LRP1B: variants seen among roughly 807,000 people sequenced by gnomAD.
The protein encoded by LRP1B is LDL receptor related protein 1B, also known as low-density lipoprotein receptor-related protein 1B.
A neutral mutation model predicts 556.6 loss-of-function variants in LRP1B; 217 were observed. The observed-to-expected ratio is 0.39, with a 90% CI of 0.35 to 0.44. The LOEUF (loss-of-function observed/expected upper bound fraction) is 0.44, where lower values mean the gene tolerates loss of function less well. Among genes scored for constraint, LRP1B ranks in the 20% least tolerant of loss-of-function variants. The pLI is 1.00. For missense variants in LRP1B, 5,053 were observed against 5,620.8 expected, an observed-to-expected ratio of 0.90 and a Z score of 3.23; for synonymous variants, 2,047 against 1,865.8, an observed-to-expected ratio of 1.10 and a Z score of -2.50.
chr2:141,227,969 C>G (rs1278831427), intron 6 of LRP1B, among the ~76,000 whole-genome samples: 1 of 152,114 alleles, frequency 6.6e-6, no homozygotes, highest in Non-Finnish European at 1.5e-5. Context: ...TCTTGTCACC[C>G]AGGTTGGAGT....
At chr2:140,448,796 A>T (rs1345156420) in intron 63 of LRP1B, among the ~76,000 whole-genome samples, 1 of 152,114 alleles carries the variant, frequency 6.6e-6, no homozygotes, top group African/African-American at 2.4e-5. Flanking sequence ...GATGTAATGC[A>T]TATGTTAAAT....
intron 32 of LRP1B, among the ~76,000 whole-genome samples, chr2:140,786,762 T>C (rs7566255): frequency 0.88 from 134,228 of 152,134 alleles, 59,457 homozygotes; most frequent in East Asian, 1. Context: ...GAGAGACTTG[T>C]GTCATGGAGA....
intron 1 of LRP1B, among the ~76,000 whole-genome samples, chr2:142,011,157 T>C (rs1559020377): frequency 6.6e-6 from 1 of 152,184 alleles, no homozygotes; most frequent in South Asian, 2.1e-4. Flanking sequence ...AAGAAATCTT[T>C]GGGGAAAGAC....
intron 59 of LRP1B, among the ~76,000 whole-genome samples, chr2:140,476,124 A>G (rs1318852799): frequency 6.6e-6 from 1 of 152,090 alleles, no homozygotes; most frequent in Non-Finnish European, 1.5e-5. Flanking sequence ...CAAATAACGT[A>G]TAAGCGGCAG....
intron 71 of LRP1B, among the ~76,000 whole-genome samples, chr2:140,366,396 C>A (rs1682762515): frequency 6.6e-6 from 1 of 151,562 alleles, no homozygotes; most frequent in Admixed American, 6.6e-5. Context: ...AGGCTTAAGA[C>A]ATAATTCATT....
intron 2 of LRP1B, among the ~76,000 whole-genome samples, chr2:141,483,024 A>G (rs1682980807): frequency 6.6e-6 from 1 of 152,032 alleles, no homozygotes; most frequent in Non-Finnish European, 1.5e-5. Flanking sequence ...CAGGCCCGTT[A>G]CATATGTATA....
At chr2:141,166,796 G>GAT (rs1442446221) in intron 7 of LRP1B, among the ~76,000 whole-genome samples, 2 of 151,966 alleles carry the variant, frequency 1.3e-5, no homozygotes, top group Non-Finnish European at 2.9e-5. Flanking sequence ...CAGAGTAAAG[G>GAT]ATAAATAGCA....
intron 2 of LRP1B, among the ~76,000 whole-genome samples, chr2:141,646,389 T>C (rs1049375949): frequency 4.6e-5 from 7 of 152,120 alleles, no homozygotes; most frequent in African/African-American, 7.2e-5. Flanking sequence ...CCATGGGTAA[T>C]GTTTCATCTC....
chr2:140,549,864 T>G lies in LRP1B; in HGVS notation c.7195-7893A>C, dbSNP rs148354374. Among the ~76,000 whole-genome samples the G allele has an allele frequency of 2.3e-3, 345 of 152,146 alleles. 1 individual carries two copies. The highest frequency in any genetic ancestry group is 8.0e-3 in the African/African-American group (334 of 41,508). ...TGTAGTGTTGTGAGTTGTTGTTGTT[T>G]TTTTTTTCAATACTTTAAGTTCCGG... On this transcript the variant is annotated intron_variant, in intron 43 of 90. Transcript: ENST00000389484.
intron 63 of LRP1B, among the ~76,000 whole-genome samples, chr2:140,450,140 A>G (rs749248271): frequency 6.6e-6 from 1 of 152,212 alleles, no homozygotes; most frequent in Non-Finnish European, 1.5e-5. Flanking sequence ...CAGGATTTCA[A>G]TGCTGACAGT....
chr2:141,358,407 T>C (rs1688701492), intron 3 of LRP1B, among the ~76,000 whole-genome samples: 1 of 148,702 alleles, frequency 6.7e-6, no homozygotes, highest in Non-Finnish European at 1.5e-5. Flanking sequence ...GGTTTGACTG[T>C]GAAGGGTCAG....
chr2:141,856,089 G>A (rs1037913189), intron 1 of LRP1B, among the ~76,000 whole-genome samples: 1 of 151,974 alleles, frequency 6.6e-6, no homozygotes, highest in African/African-American at 2.4e-5. Flanking sequence ...ACTATGTAGA[G>A]GCAAATACCA....
intron 18 of LRP1B, among the ~76,000 whole-genome samples, chr2:140,966,555 C>T (rs142964352): frequency 0.01 from 1,535 of 152,184 alleles, 30 homozygotes; most frequent in African/African-American, 0.036. Context: ...TAATTAGATC[C>T]CATTTGTCAA....
chr2:141,314,856 A>ATATGTG (rs1686950782), intron 3 of LRP1B, among the ~76,000 whole-genome samples: 1 of 127,778 alleles, frequency 7.8e-6, no homozygotes, highest in East Asian at 2.3e-4. Flanking sequence ...ACATATATAT[A>ATATGTG]CATATATATA....
chr2:141,502,460 A>G (rs1198523735), intron 2 of LRP1B, among the ~76,000 whole-genome samples: 1 of 152,172 alleles, frequency 6.6e-6, no homozygotes, highest in African/African-American at 2.4e-5. Context: ...AAATTACTTG[A>G]TTTAAAATAA....
chr2:141,060,662 T>C, intron 8 of LRP1B, among the ~76,000 whole-genome samples: 1 of 151,582 alleles, frequency 6.6e-6, no homozygotes, highest in East Asian at 2.0e-4. Context: ...TAAGAGGCAA[T>C]TGGTCAAGGT....
chr2:140,509,078 AC>A (rs1689540785), intron 52 of LRP1B, among the ~76,000 whole-genome samples: 9 of 67,826 alleles, frequency 1.3e-4, no homozygotes, highest in Non-Finnish European at 2.2e-4. Context: ...ACACACACAC[AC>A]ACAAACACAC....
intron 1 of LRP1B, among the ~76,000 whole-genome samples, chr2:142,107,091 T>A (rs564019181): frequency 4.5e-4 from 68 of 152,248 alleles, no homozygotes; most frequent in African/African-American, 1.6e-3. Flanking sequence ...TTCTGTGAGA[T>A]GAGAAAAAAT....
intron 3 of LRP1B, among the ~76,000 whole-genome samples, chr2:141,467,008 C>T (rs1345139618): frequency 1.4e-5 from 2 of 147,280 alleles, no homozygotes; most frequent in Non-Finnish European, 3.0e-5. Flanking sequence ...CCTTTATGGA[C>T]ATTTATCTAG....
Sources: gnomAD v4.1 joint callset for allele counts (sites outside exome capture counted in the v4.1 genomes callset) on GRCh38, gnomAD v4.1.1 for gene constraint, MANE v1.5 for transcripts, NCBI Gene and HGNC (gene_info 2026-07-23, HGNC 2026-07-21) for gene names.